The following BNC2 variants were observed in gnomAD, a reference collection of about 807,000 sequenced individuals.
The protein encoded by BNC2 is basonuclin zinc finger protein 2.
In BNC2, 20 loss-of-function variants were observed where a neutral mutation model predicts 76.3. The observed-to-expected ratio is 0.26, with a 90% CI of 0.18 to 0.38. The LOEUF (loss-of-function observed/expected upper bound fraction) is 0.38, where lower values mean the gene tolerates loss of function less well. Ranked by LOEUF, BNC2 falls within the 10% of genes least tolerant of loss-of-function variation. The pLI is 1.00. For missense variants in BNC2, 1,382 were observed against 1,399.8 expected (o/e 0.99, Z 0.20); for synonymous variants, 582 against 514.8 (o/e 1.13, Z -1.77).
At chr9:16,733,550 C>T (rs1045273850) in intron 2 of BNC2, among the ~76,000 whole-genome samples, 4 of 151,326 alleles carry the variant, frequency 2.6e-5, no homozygotes, top group African/African-American at 9.7e-5. Flanking sequence ...CTCCTCCCGC[C>T]CAAAAAAAAA....
intron 3 of BNC2, among the ~76,000 whole-genome samples, chr9:16,680,078 C>T (rs1032609092): frequency 1.3e-5 from 2 of 152,254 alleles, no homozygotes; most frequent in African/African-American, 4.8e-5. Flanking sequence ...AATCACTGTC[C>T]TCATGTTCAA....
chr9:16,433,420 A>T (rs1236781019), intron 6 of BNC2, among the ~76,000 whole-genome samples: 2 of 152,210 alleles, frequency 1.3e-5, no homozygotes, highest in East Asian at 3.8e-4. Context: ...GCTATCTTCT[A>T]TGTGACTGAA....
chr9:16,598,092 C>A (rs1303962232), intron 3 of BNC2, among the ~76,000 whole-genome samples: 1 of 152,082 alleles, frequency 6.6e-6, no homozygotes, highest in Non-Finnish European at 1.5e-5. Context: ...GAAATAAAAT[C>A]TTTGTTACTA....
At chr9:16,452,304 T>A (rs1821358128) in intron 5 of BNC2, among the ~76,000 whole-genome samples, 1 of 152,182 alleles carries the variant, frequency 6.6e-6, no homozygotes, top group Non-Finnish European at 1.5e-5. Flanking sequence ...GTACAAAAAA[T>A]CAGCAAACTG....
At chr9:16,609,499 A>C (rs1247455842) in intron 3 of BNC2, among the ~76,000 whole-genome samples, 1 of 152,188 alleles carries the variant, frequency 6.6e-6, no homozygotes, top group African/African-American at 2.4e-5. Context: ...GCTAAATATG[A>C]GCATATAGAA....
At chr9:16,490,317 C>G (rs577443157) in intron 5 of BNC2, among the ~76,000 whole-genome samples, 8 of 152,202 alleles carry the variant, frequency 5.3e-5, no homozygotes, top group African/African-American at 1.9e-4. Context: ...CCCTGATAAA[C>G]CCATCAGATC....
chr9:16,708,807 T>A (rs1324991497), intron 3 of BNC2, among the ~76,000 whole-genome samples: 1 of 151,942 alleles, frequency 6.6e-6, no homozygotes, highest in East Asian at 1.9e-4. Context: ...AACAAAACAG[T>A]GGATCAGGCA....
Position 16,418,920 on chromosome 9 carries a change from A to G in BNC2, c.*69T>C. The G allele has an allele frequency of 6.4e-7, 1 of 1,553,478 alleles. No individual in the cohort carries two copies. Among genetic ancestry groups the G allele is most frequent in the Admixed American group, 1.7e-5 (1 of 59,928 alleles). ...ACACACCCCAAGTACATAAGCGCACACTGACTATGGCAGTTCAAACACGTA... is the reference window on the plus strand; with the variant it reads ...ACACACCCCAAGTACATAAGCGCACGCTGACTATGGCAGTTCAAACACGTA... On this transcript the variant is annotated 3_prime_UTR_variant, in exon 7 of 7. Coordinates refer to ENST00000380672, the MANE Select transcript of BNC2 (RefSeq NM_017637.6).
intron 5 of BNC2, among the ~76,000 whole-genome samples, chr9:16,441,067 TA>T (rs147978983): frequency 0.022 from 3,378 of 152,290 alleles, 107 homozygotes; most frequent in East Asian, 0.11. Context: ...GGCTCATGCC[TA>T]TAATCCCGAC....
chr9:16,592,948 T>C (rs1172873059), intron 3 of BNC2, among the ~76,000 whole-genome samples: 1 of 152,134 alleles, frequency 6.6e-6, no homozygotes, highest in East Asian at 1.9e-4. Flanking sequence ...AAAAATCCAC[T>C]GCCATTTTTC....
intron 3 of BNC2, among the ~76,000 whole-genome samples, chr9:16,645,237 T>C (rs374805500): frequency 3.9e-5 from 6 of 152,310 alleles, no homozygotes; most frequent in African/African-American, 1.4e-4. Context: ...AGGTTTCTTC[T>C]AACTCTATAT....
chr9:16,439,010 C>T (rs1821075019), intron 5 of BNC2, among the ~76,000 whole-genome samples: 1 of 152,084 alleles, frequency 6.6e-6, no homozygotes, highest in South Asian at 2.1e-4. Context: ...GAGTCTTTCC[C>T]GTACTGTTCC....
At chr9:16,626,945 C>G (rs1821013466) in intron 3 of BNC2, among the ~76,000 whole-genome samples, 1 of 152,202 alleles carries the variant, frequency 6.6e-6, no homozygotes. Context: ...GTTTACCAAA[C>G]AGCACGGGCA....
chr9:16,781,413 G>A (rs1826151531), intron 1 of BNC2, among the ~76,000 whole-genome samples: 1 of 152,172 alleles, frequency 6.6e-6, no homozygotes, highest in African/African-American at 2.4e-5. Flanking sequence ...CGCAATCGTG[G>A]CTCACTGCAA....
chr9:16,646,536 A>G (rs1037010464), intron 3 of BNC2, among the ~76,000 whole-genome samples: 9 of 152,216 alleles, frequency 5.9e-5, no homozygotes, highest in Non-Finnish European at 1.0e-4. Context: ...AAGTTCTTGA[A>G]CAGGTAAAAT....
chr9:16,723,284 T>C lies in BNC2; in HGVS notation c.330+4513A>G, dbSNP rs796813556. On this transcript the variant is annotated intron_variant, in intron 3 of 6. Coordinates refer to ENST00000380672, the MANE Select transcript of BNC2 (RefSeq NM_017637.6). ...AATGAAAGTCGTTTTCAAAGACCAT[T>C]AACTATCAGCTGCTTTACTCAGGGC... Among the ~76,000 whole-genome samples, 51 of 152,230 alleles carry C rather than the reference T, an allele frequency of 3.4e-4. 1 individual carries two copies. Among genetic ancestry groups the C allele is most frequent in the African/African-American group, 1.1e-3 (46 of 41,556 alleles).
Position 16,437,517 on chromosome 9 carries a change from G to A in BNC2, c.677C>T (p.Ala226Val). ...GGCCCAGCGGTCCAGCACCTTGCCA[G>A]CAGCATCCTAGAGGCCACATCAAAG... is the stretch of plus-strand genomic sequence containing the variant. ...YVRGYILQDA[A>V]GKVLDRWAIM... Residue 226 changes from alanine (A) to valine (V), a missense_variant, in exon 6 of 7, where the codon GCT (alanine) becomes GTT (valine). By Grantham distance (64) the Ala-to-Val change is moderately conservative. Coordinates refer to ENST00000380672, the MANE Select transcript of BNC2 (RefSeq NM_017637.6). 6.2e-7 allele frequency: 1 copy of A among 1,612,118 alleles called. No homozygotes were observed.
At chr9:16,430,036 T>C (rs746908705) in intron 6 of BNC2, 4 of 491,022 alleles carry the variant, frequency 8.1e-6, no homozygotes, top group East Asian at 5.8e-5. Context: ...GACACTGAAG[T>C]TTATCTTACT....
rs186251171 is a variant in BNC2 at position 16,728,962 on chromosome 9, G to T, written c.130-965C>A. ...CTGCAATATCCTTTCAAATCGTTAA[G>T]AAAAGAAAAAGATAAACAAAAAAAG... is the stretch of plus-strand genomic sequence containing the variant. On this transcript the variant is annotated intron_variant, in intron 2 of 6. Transcript: ENST00000380672. 9.4e-4 allele frequency among the ~76,000 whole-genome samples: 139 copies of T among 147,898 alleles called. 1 individual carries two copies. The highest frequency in any genetic ancestry group is 3.6e-3 in the African/African-American group (136 of 37,964).
Sources: allele counts gnomAD v4.1 joint callset (sites outside exome capture counted in the v4.1 genomes callset), GRCh38; gene constraint gnomAD v4.1.1; transcripts MANE v1.5; gene names NCBI Gene and HGNC (gene_info 2026-07-23, HGNC 2026-07-21).